MAPK10: variants seen among roughly 807,000 people sequenced by gnomAD.
The protein encoded by MAPK10 is mitogen-activated protein kinase 10.
MAPK10 carries 25 observed loss-of-function variants against 59.3 expected under a neutral mutation model. That is an observed-to-expected ratio of 0.42 (90% CI 0.31 to 0.59). The LOEUF (loss-of-function observed/expected upper bound fraction) is 0.59, where lower values mean the gene tolerates loss of function less well. Among genes scored for constraint, MAPK10 ranks in the 20% least tolerant of loss-of-function variants. MAPK10 has a pLI of 0.15. For missense variants in MAPK10, 351 were observed against 568.9 expected (o/e 0.62, Z 3.90); for synonymous variants, 190 against 200.5 (o/e 0.95, Z 0.44).
intron 1 of MAPK10, among the ~76,000 whole-genome samples, chr4:86,484,090 T>C (rs150185874): frequency 1.2e-4 from 18 of 152,260 alleles, no homozygotes; most frequent in African/African-American, 4.3e-4. Context: ...AGGAAGCAAG[T>C]AATGGAGGCT....
intron 1 of MAPK10, among the ~76,000 whole-genome samples, chr4:86,506,247 A>G (rs1755727966): frequency 6.6e-6 from 1 of 152,190 alleles, no homozygotes; most frequent in Non-Finnish European, 1.5e-5. Context: ...TGTCCTCTGA[A>G]TAGGACCATT....
At chr4:86,360,803 A>G (rs1367453168), upstream of MAPK10, among the ~76,000 whole-genome samples, 1 of 152,160 alleles carries the variant, frequency 6.6e-6, no homozygotes, top group East Asian at 1.9e-4. Context: ...AAAGTCTCCA[A>G]ACAGTTTTAC....
intron 1 of MAPK10, among the ~76,000 whole-genome samples, chr4:86,461,178 G>C (rs182225842): frequency 6.6e-6 from 1 of 151,378 alleles, no homozygotes; most frequent in African/African-American, 2.4e-5. Flanking sequence ...CCAAATATGA[G>C]TGACCAAGGC....
chr4:86,040,065 T>G (rs1191747927), intron 11 of MAPK10, among the ~76,000 whole-genome samples: 1 of 152,128 alleles, frequency 6.6e-6, no homozygotes. Context: ...AAGCCCTTAC[T>G]TCTTCAGATG....
intron 11 of MAPK10, chr4:86,031,739 T>TA (rs895229779): frequency 8.6e-5 from 21 of 243,428 alleles, no homozygotes; most frequent in African/African-American, 4.5e-4. Flanking sequence ...ACTGGTCTTT[T>TA]AAAAAACAGA....
Position 86,360,053 on chromosome 4 carries a change from T to C in MAPK10, c.-517A>G. Reference sequence around the variant, plus strand: ...CAGCGTGATGCTGCCTGTACCATTGTGGAACCTACCAGAGGAGACGGACAG... The same window carrying C: ...CAGCGTGATGCTGCCTGTACCATTGCGGAACCTACCAGAGGAGACGGACAG... On this transcript the variant is annotated 5_prime_UTR_variant, in exon 1 of 14. Transcript: ENST00000641462. 1.0e-6 allele frequency: 1 copy of C among 985,756 alleles called. No homozygotes were observed. Among genetic ancestry groups the C allele is most frequent in the Non-Finnish European group, 1.2e-6 (1 of 829,982 alleles). The allele number at this position is 985,756 out of a possible 1,614,324, so 61.1% of individuals were successfully genotyped here.
At chr4:86,045,300 C>T (rs1030956551) in intron 11 of MAPK10, among the ~76,000 whole-genome samples, 1 of 152,036 alleles carries the variant, frequency 6.6e-6, no homozygotes, top group Non-Finnish European at 1.5e-5. Flanking sequence ...TCAGTAATTG[C>T]ACCACCAATC....
chr4:86,093,362 C>T (rs1431522801), intron 9 of MAPK10, among the ~76,000 whole-genome samples: 1 of 151,872 alleles, frequency 6.6e-6, no homozygotes, highest in African/African-American at 2.4e-5. Context: ...TGACTCAACA[C>T]ACAATAGCAA....
chr4:86,449,766 A>G (rs1158295871), intron 1 of MAPK10, among the ~76,000 whole-genome samples: 1 of 152,222 alleles, frequency 6.6e-6, no homozygotes, highest in African/African-American at 2.4e-5. Context: ...CACTTCCGTG[A>G]TTGTTACATT....
chr4:86,325,603 A>G (rs2096005350), intron 2 of MAPK10, among the ~76,000 whole-genome samples: 1 of 152,238 alleles, frequency 6.6e-6, no homozygotes, highest in Non-Finnish European at 1.5e-5. Context: ...TTTCAAAAAG[A>G]TATGACTGTA....
chr4:86,161,593 TG>T, intron 3 of MAPK10, among the ~76,000 whole-genome samples: 1 of 13,520 alleles, frequency 7.4e-5, no homozygotes, highest in African/African-American at 9.6e-5. Flanking sequence ...TAATTTGGGA[TG>T]AATGAAGTGC....
intron 2 of MAPK10, chr4:86,327,679 C>G (rs2096058112): frequency 6.6e-6 from 1 of 150,986 alleles, no homozygotes; most frequent in Admixed American, 6.7e-5. Flanking sequence ...GTGGCTCACC[C>G]CTGTAATCTC....
intron 10 of MAPK10, among the ~76,000 whole-genome samples, chr4:86,067,284 G>GT (rs1300319725): frequency 1.3e-5 from 2 of 152,086 alleles, no homozygotes; most frequent in Non-Finnish European, 2.9e-5. Context: ...TGGGACTAGA[G>GT]GTGTGTGCCA....
chr4:86,572,953 G>T (rs953406391), intron 1 of MAPK10, among the ~76,000 whole-genome samples: 2 of 151,964 alleles, frequency 1.3e-5, no homozygotes, highest in Non-Finnish European at 2.9e-5. Flanking sequence ...TAAAATATTT[G>T]TTTAAATCTT....
chr4:86,536,564 T>G (rs1426615424), intron 1 of MAPK10, among the ~76,000 whole-genome samples: 1 of 152,228 alleles, frequency 6.6e-6, no homozygotes, highest in Non-Finnish European at 1.5e-5. Flanking sequence ...AAATTCAGCT[T>G]TATTTTTCTT....
At chr4:86,374,002 A>T (rs1245542031) in intron 1 of MAPK10, among the ~76,000 whole-genome samples, 5 of 152,338 alleles carry the variant, frequency 3.3e-5, no homozygotes, top group African/African-American at 1.2e-4. Context: ...CTTGGAACCA[A>T]TCCAAATGAC....
chr4:86,178,127 C>G (rs568037067), intron 3 of MAPK10, among the ~76,000 whole-genome samples: 1 of 152,082 alleles, frequency 6.6e-6, no homozygotes, highest in Non-Finnish European at 1.5e-5. Flanking sequence ...ACCTTAAATA[C>G]CACCACAATA....
chr4:86,581,820 T>A (rs1175759214), intron 1 of MAPK10, among the ~76,000 whole-genome samples: 2 of 147,262 alleles, frequency 1.4e-5, no homozygotes, highest in Non-Finnish European at 3.0e-5. Flanking sequence ...ACACACCAAC[T>A]GAGCTGTATG....
At chr4:86,579,973 G>A (rs1048569482) in intron 1 of MAPK10, among the ~76,000 whole-genome samples, 7 of 151,676 alleles carry the variant, frequency 4.6e-5, no homozygotes, top group African/African-American at 9.7e-5. Flanking sequence ...GCCACCACAC[G>A]GACTAATTAT....
Sources: allele counts gnomAD v4.1 joint callset (sites outside exome capture counted in the v4.1 genomes callset), GRCh38; gene constraint gnomAD v4.1.1; transcripts MANE v1.5; gene names NCBI Gene and HGNC (gene_info 2026-07-23, HGNC 2026-07-21).